SRFBP1: variants seen among roughly 807,000 people sequenced by gnomAD.
SRFBP1 encodes serum response factor binding protein 1.
Under a neutral mutation model 45.5 loss-of-function variants are expected in SRFBP1, and 47 were observed. The observed-to-expected ratio is 1.03, with a 90% confidence interval of 0.82 to 1.32. SRFBP1 has a LOEUF of 1.32. Among genes scored for constraint, SRFBP1 ranks in the 40% most tolerant of loss-of-function variants. The probability of loss-of-function intolerance (pLI) is 0.00; values close to 1 mark genes in which losing one functional copy is unlikely to be tolerated. For synonymous variants in SRFBP1, 203 were observed against 166.3 expected, an observed-to-expected ratio of 1.22 and a Z score of -1.70; for missense variants, 621 against 484.6, an observed-to-expected ratio of 1.28 and a Z score of -2.64.
intron 4 of SRFBP1, among the ~76,000 whole-genome samples, chr5:122,010,027 T>C (rs1047577218): frequency 3.3e-5 from 5 of 152,152 alleles, no homozygotes; most frequent in African/African-American, 1.2e-4. Flanking sequence ...AACTGTAAGA[T>C]CCAAAGACCC....
chr5:122,040,002 A>G (rs920908082), intron 2 of SRFBP1, among the ~76,000 whole-genome samples: 1 of 152,102 alleles, frequency 6.6e-6, no homozygotes, highest in Non-Finnish European at 1.5e-5. Flanking sequence ...TTATACCTTT[A>G]TATTTTATTC....
chr5:122,005,052 A>G (rs1369850019), intron 4 of SRFBP1, among the ~76,000 whole-genome samples: 2 of 152,022 alleles, frequency 1.3e-5, no homozygotes, highest in African/African-American at 4.8e-5. Flanking sequence ...GTTAGGCCTA[A>G]TTTTGTGGCC....
chr5:122,039,497 C>T (rs1188804203), intron 2 of SRFBP1, among the ~76,000 whole-genome samples: 2 of 152,138 alleles, frequency 1.3e-5, no homozygotes, highest in Non-Finnish European at 2.9e-5. Flanking sequence ...TCCCAGCCTC[C>T]ATAAAGTTAG....
intron 4 of SRFBP1, among the ~76,000 whole-genome samples, chr5:122,017,427 G>C (rs1180750746): frequency 1.3e-5 from 2 of 152,072 alleles, no homozygotes; most frequent in African/African-American, 4.8e-5. Flanking sequence ...GTGTCTCTCT[G>C]TGCCCCTATA....
chr5:122,075,262 A>C, intron 2 of SRFBP1: 1 of 729,550 alleles, frequency 1.4e-6, no homozygotes. Flanking sequence ...GGTTATGTGA[A>C]ATTACATAGA....
intron 7 of SRFBP1, among the ~76,000 whole-genome samples, chr5:122,025,104 C>A (rs992651037): frequency 6.6e-6 from 1 of 152,076 alleles, no homozygotes; most frequent in Non-Finnish European, 1.5e-5. Flanking sequence ...AATGCTATCC[C>A]TCCCCACTCC....
At chr5:122,002,695 C>A (rs538932260) in intron 4 of SRFBP1, among the ~76,000 whole-genome samples, 3 of 151,520 alleles carry the variant, frequency 2.0e-5, no homozygotes. Flanking sequence ...GAGAATATTG[C>A]GAATATTGAG....
chr5:122,067,012 G>A (rs1378823486), intron 2 of SRFBP1, among the ~76,000 whole-genome samples: 1 of 152,094 alleles, frequency 6.6e-6, no homozygotes, highest in Non-Finnish European at 1.5e-5. Context: ...ACACTCAAGA[G>A]TACAGCAGGA....
At chr5:122,077,156 T>A (rs1754662858), downstream of SRFBP1, 3 of 1,465,496 alleles carry the variant, frequency 2.0e-6, no homozygotes, top group Admixed American at 7.4e-5. This position sits in a 1 kb window ranked among gnomAD's most constrained non-coding sequence, Gnocchi z 4.9. Context: ...CGCCCGGGAC[T>A]GCAAAGCAAT....
chr5:122,020,014 A>T lies in SRFBP1; in HGVS notation c.353-74A>T, dbSNP rs991536290. The T allele has an allele frequency of 8.4e-5, 84 of 1,002,232 alleles. 1 individual carries two copies. The highest frequency in any genetic ancestry group is 4.4e-4 in the Middle Eastern group (2 of 4,520). 62.1% of individuals were successfully genotyped at this position (1,002,232 alleles called of 1,614,324 possible). On this transcript the variant is annotated intron_variant, in intron 5 of 7. Coordinates refer to ENST00000339397, the MANE Select transcript of SRFBP1 (RefSeq NM_152546.3). ...CTTAAATCTTTTCAAATAATTTTTT[A>T]AAATACTGTCCTAAAACAGTCATGT...
At chr5:122,018,267 G>A (rs1430122391) in intron 4 of SRFBP1, among the ~76,000 whole-genome samples, 2 of 152,184 alleles carry the variant, frequency 1.3e-5, no homozygotes, top group African/African-American at 4.8e-5. Context: ...ATTGACTGTT[G>A]AGAGAGCAAG....
At chr5:122,053,686 A>G (rs1754029629) in intron 2 of SRFBP1, among the ~76,000 whole-genome samples, 1 of 151,612 alleles carries the variant, frequency 6.6e-6, no homozygotes, top group African/African-American at 2.4e-5. Flanking sequence ...AGTGGTGAGG[A>G]TGGGTGGAGT....
At chr5:121,979,431 A>G (rs983891497) in intron 3 of SRFBP1, among the ~76,000 whole-genome samples, 2 of 152,212 alleles carry the variant, frequency 1.3e-5, no homozygotes, top group African/African-American at 4.8e-5. Flanking sequence ...GTAGGGTAAA[A>G]GATACCTTAT....
rs1293006148 is a variant in SRFBP1 at position 121,974,252 on chromosome 5, T to G, written c.93T>G (p.Leu31=). ...KRIRVLVIRK[L]VRSVGRLKSK... ...TTCGAGTTTTAGTTATCCGAAAACT[T>G]GTCAGGAGTGTTGGCCGACTGAAGT... The change falls in exon 2 of 8, where the codon CTT becomes CTG. Residue 31 remains leucine, a synonymous_variant. Coordinates refer to ENST00000339397, the MANE Select transcript of SRFBP1 (RefSeq NM_152546.3). The G allele has an allele frequency of 8.1e-6, 13 of 1,611,428 alleles. No homozygotes were observed. The Admixed American group carries it at 2.2e-4, about 27-fold the overall frequency.
At chr5:121,993,584 G>A (rs190527935) in intron 3 of SRFBP1, among the ~76,000 whole-genome samples, 13 of 152,214 alleles carry the variant, frequency 8.5e-5, no homozygotes, top group African/African-American at 2.9e-4. Flanking sequence ...GACAAATCAC[G>A]ATTTGAGTCT....
chr5:121,973,374 A>C (rs965185445), intron 1 of SRFBP1, among the ~76,000 whole-genome samples: 3 of 151,842 alleles, frequency 2.0e-5, no homozygotes, highest in Non-Finnish European at 4.4e-5. Context: ...TCCTAAAGTG[A>C]AGAAGGGGAA....
intron 3 of SRFBP1, among the ~76,000 whole-genome samples, chr5:121,975,811 G>A (rs913214829): frequency 6.6e-6 from 1 of 151,656 alleles, no homozygotes; most frequent in African/African-American, 2.4e-5. Context: ...TATTGGTATC[G>A]GCATTTTATT....
In SRFBP1 at chr5:122,027,308, A is replaced by C; in HGVS notation, c.*182A>C. On this transcript the variant is annotated 3_prime_UTR_variant, in exon 8 of 8. Transcript: ENST00000339397. ...CCCAAAGGGCTGGGACTGCAGGTGC[A>C]TGCACTACCATGCCCAGCTTTCTCA... 1 of 448,142 alleles carries C rather than the reference A, an allele frequency of 2.2e-6. No individual in the cohort carries two copies. Among genetic ancestry groups the C allele is most frequent in the Non-Finnish European group, 4.0e-6 (1 of 251,752 alleles). The allele number at this position is 448,142 out of a possible 1,614,324, so 27.8% of individuals were successfully genotyped here.
intron 2 of SRFBP1, among the ~76,000 whole-genome samples, chr5:122,053,803 T>A (rs1167331607): frequency 1.3e-5 from 2 of 152,032 alleles, no homozygotes; most frequent in Non-Finnish European, 2.9e-5. Context: ...TAGCAAGCAT[T>A]GTCCTCCTGG....
Sources: allele counts gnomAD v4.1 joint callset (sites outside exome capture counted in the v4.1 genomes callset), GRCh38; gene constraint gnomAD v4.1.1; non-coding constraint Gnocchi (gnomAD v3.1); transcripts MANE v1.5; gene names NCBI Gene and HGNC (gene_info 2026-07-23, HGNC 2026-07-21).